ZBTB49: variants seen among roughly 807,000 people sequenced by gnomAD.
ZBTB49 encodes zinc finger and BTB domain containing 49.
Under a neutral mutation model 57.5 loss-of-function variants are expected in ZBTB49, and 43 were observed. The ratio of observed to expected loss-of-function variants is 0.75; its 90% CI spans 0.59 to 0.97. The LOEUF (loss-of-function observed/expected upper bound fraction) is 0.97, where lower values mean the gene tolerates loss of function less well. ZBTB49 is among the 50% of genes least tolerant of loss of function. The pLI, the probability that ZBTB49 is intolerant of heterozygous loss-of-function variation, is 0.00. For synonymous variants in ZBTB49, 369 were observed against 362.1 expected (o/e 1.02, Z -0.22); for missense variants, 938 against 947.7 (o/e 0.99, Z 0.13).
At chr4:4,306,924 T>A (rs768134) in intron 4 of ZBTB49, among the ~76,000 whole-genome samples, 7,778 of 152,298 alleles carry the variant, frequency 0.051, 583 homozygotes, top group East Asian at 0.32. Context: ...TCACACAGCA[T>A]GGTAGATCCT....
rs570004012 is a variant in ZBTB49 at position 4,297,206 on chromosome 4, G to A, written c.-19-2721G>A. 5.3e-5 allele frequency among the ~76,000 whole-genome samples: 8 copies of A among 152,284 alleles called. No individual in the cohort carries two copies. In the South Asian group the frequency reaches 1.7e-3, roughly 32 times the overall value. ...CTGCCTCAGCCTCCCCAGTAGCTGG[G>A]ATTATAGGCACTCGCCATCATGCCT... On this transcript the variant is annotated intron_variant, in intron 1 of 7. Transcript: ENST00000337872.
intron 3 of ZBTB49, among the ~76,000 whole-genome samples, chr4:4,304,317 C>T (rs1720646657): frequency 6.6e-6 from 1 of 151,564 alleles, no homozygotes; most frequent in South Asian, 2.1e-4. Flanking sequence ...CCTCTGCCTC[C>T]TGGGTTCAAT....
At chr4:4,303,844 T>C (rs897623429) in intron 3 of ZBTB49, among the ~76,000 whole-genome samples, 1 of 151,726 alleles carries the variant, frequency 6.6e-6, no homozygotes, top group Admixed American at 6.6e-5. Flanking sequence ...TTACTTTTCT[T>C]CCTATAATTA....
intron 1 of ZBTB49, among the ~76,000 whole-genome samples, chr4:4,291,318 G>C (rs146509751): frequency 1.3e-5 from 2 of 152,142 alleles, no homozygotes; most frequent in Non-Finnish European, 2.9e-5. Flanking sequence ...CTGTGTCCTC[G>C]CATGGTCTTT....
chr4:4,308,710 G>T (rs1291575398), intron 4 of ZBTB49, among the ~76,000 whole-genome samples: 1 of 152,218 alleles, frequency 6.6e-6, no homozygotes, highest in Non-Finnish European at 1.5e-5. Context: ...CGGGAAGGGG[G>T]ACAGAAATGG....
intron 1 of ZBTB49, among the ~76,000 whole-genome samples, chr4:4,291,497 C>G (rs1454676927): frequency 1.3e-5 from 2 of 152,154 alleles, no homozygotes; most frequent in Admixed American, 1.3e-4. Flanking sequence ...GCTGGGGGAA[C>G]AGTTTAACCA....
chr4:4,292,785 G>GA (rs1720006903), intron 1 of ZBTB49, among the ~76,000 whole-genome samples: 2 of 152,152 alleles, frequency 1.3e-5, no homozygotes, highest in South Asian at 4.1e-4. Context: ...TGGCACTGCT[G>GA]AAAAAACATC....
chr4:4,299,776 G>GTTGTGTGT (rs1553803868), intron 1 of ZBTB49, among the ~76,000 whole-genome samples, 151 bp from the exon 2 acceptor site: 3,372 of 103,644 alleles, frequency 0.033, 58 homozygotes, highest in Non-Finnish European at 0.048. Context: ...CAGAAACAGA[G>GTTGTGTGT]GTGTGTGTGT....
In ZBTB49 at chr4:4,302,265, T is replaced by A; in HGVS notation, c.429T>A (p.Asp143Glu). The change falls in exon 3 of 8, where the codon GAT (aspartate) becomes GAA (glutamate). Residue 143 changes from aspartate (D) to glutamate (E), a missense_variant. Around this residue, in one of 3 missense-constraint regions of ZBTB49, gnomAD observed 835 missense variants for 819.1 expected, o/e 1.02. Coordinates refer to ENST00000337872, the MANE Select transcript of ZBTB49 (RefSeq NM_145291.4). Reference sequence around the variant, plus strand: ...CTCTACAAAGCACCCTGACCCCAGATGCCACTTGTGTTATCAGTGAAAACT... The same window carrying A: ...CTCTACAAAGCACCCTGACCCCAGAAGCCACTTGTGTTATCAGTGAAAACT... ...TLSLQSTLTP[D>E]ATCVISENYP... 1 of 1,614,202 alleles carries A rather than the reference T, an allele frequency of 6.2e-7. No individual in the cohort carries two copies. The highest frequency in any genetic ancestry group is 8.5e-7 in the Non-Finnish European group (1 of 1,179,990).
In ZBTB49 at chr4:4,317,924, G is replaced by A. The variant is rs185988518; in HGVS notation, c.1621+1954G>A. 5.3e-5 allele frequency among the ~76,000 whole-genome samples: 8 copies of A among 152,260 alleles called. No individual in the cohort carries two copies. The East Asian group carries it at 1.5e-3, about 29-fold the overall frequency. On this transcript the variant is annotated intron_variant, in intron 7 of 7. Transcript: ENST00000337872. ...CTGGTTTTAGTGGCAGCTTCCTATA[G>A]GGAGGCTTCGTTGGGGTTTCACTGC...
chr4:4,304,470 G>A (rs1488614549), intron 3 of ZBTB49, among the ~76,000 whole-genome samples: 2 of 151,882 alleles, frequency 1.3e-5, no homozygotes, highest in African/African-American at 2.4e-5. Flanking sequence ...TGCCCACCTC[G>A]GCCTCCCAAA....
chr4:4,317,578 A>G (rs978963596), intron 7 of ZBTB49, among the ~76,000 whole-genome samples: 1 of 152,170 alleles, frequency 6.6e-6, no homozygotes, highest in African/African-American at 2.4e-5. Flanking sequence ...GACTCATACA[A>G]CACGGGGTAT....
Position 4,321,193 on chromosome 4 carries a change from C to A in ZBTB49, c.2175C>A (p.Asp725Glu), listed in dbSNP as rs777776342. ...SLAALDNHGG[D>E]PLGSRASSTT... ...CTGCTTTGGACAACCACGGCGGTGACCCCCTGGGCAGTCGAGCATCTTCCA... is the reference window on the plus strand; with the variant it reads ...CTGCTTTGGACAACCACGGCGGTGAACCCCTGGGCAGTCGAGCATCTTCCA... Residue 725 changes from aspartate to glutamate, a missense_variant, in exon 8 of 8, where the codon GAC becomes GAA. Transcript: ENST00000337872. 1.9e-6 allele frequency: 3 copies of A among 1,614,066 alleles called. No individual in the cohort carries two copies. The South Asian group carries it at 3.3e-5, about 18-fold the overall frequency.
chr4:4,291,332 CTG>C (rs1719898891), intron 1 of ZBTB49, among the ~76,000 whole-genome samples: 5 of 152,212 alleles, frequency 3.3e-5, no homozygotes, highest in Admixed American at 3.3e-4. Context: ...GGTCTTTCCT[CTG>C]TGTTTTCACA....
chr4:4,299,098 A>G (rs1201288673), intron 1 of ZBTB49, among the ~76,000 whole-genome samples: 1 of 152,180 alleles, frequency 6.6e-6, no homozygotes, highest in Non-Finnish European at 1.5e-5. Flanking sequence ...GGTTCATAAC[A>G]AGTCCCGCAG....
At chr4:4,314,902 A>T in intron 5 of ZBTB49, among the ~76,000 whole-genome samples, 1 of 152,216 alleles carries the variant, frequency 6.6e-6, no homozygotes, top group East Asian at 1.9e-4. Context: ...AGATGGGATA[A>T]TGGTTGTTAA....
chr4:4,294,473 C>T (rs1160797276), intron 1 of ZBTB49, among the ~76,000 whole-genome samples: 1 of 152,208 alleles, frequency 6.6e-6, no homozygotes, highest in Non-Finnish European at 1.5e-5. Flanking sequence ...TCTCCTGCCT[C>T]AGCCTCCAGA....
At position 4,313,051 on chromosome 4, in the gene ZBTB49, T is replaced by C. The variant is rs1440961784; in HGVS notation, c.1313T>C (p.Leu438Ser). The C allele has an allele frequency of 1.9e-6, 3 of 1,614,126 alleles. No individual in the cohort carries two copies. Among genetic ancestry groups the C allele is most frequent in the Non-Finnish European group, 1.7e-6 (2 of 1,180,048 alleles). The change falls in exon 5 of 8, where the codon TTG becomes TCG. Residue 438 changes from leucine to serine, a missense_variant. Coordinates refer to ENST00000337872, the MANE Select transcript of ZBTB49 (RefSeq NM_145291.4). ...TTCCTCTTTTTGCAGGCAGGTAACT[T>C]GCAGACTCACTTACGACGGCATTCT... ...CGKHFSQAGNLQTHLRRHSGE... is the reference protein window; with the variant it reads ...CGKHFSQAGNSQTHLRRHSGE...
At chr4:4,317,955 G>A (rs894323617) in intron 7 of ZBTB49, among the ~76,000 whole-genome samples, 3 of 152,144 alleles carry the variant, frequency 2.0e-5, no homozygotes, top group African/African-American at 7.2e-5. Context: ...ACTGCTCTCC[G>A]GGCAGCCTCC....
Sources: gnomAD v4.1 joint callset for allele counts (sites outside exome capture counted in the v4.1 genomes callset) on GRCh38, gnomAD v4.1.1 for gene constraint, gnomAD v4.1.1 regional missense constraint, MANE v1.5 for transcripts, NCBI Gene and HGNC (gene_info 2026-07-23, HGNC 2026-07-21) for gene names.